The following KANSL1L variants were observed in gnomAD, a reference collection of about 807,000 sequenced individuals.
The protein encoded by KANSL1L is KAT8 regulatory NSL complex subunit 1-like protein.
A neutral mutation model predicts 108.6 loss-of-function variants in KANSL1L; 25 were observed. That is an observed-to-expected ratio of 0.23 (90% confidence interval 0.17 to 0.32). The LOEUF (loss-of-function observed/expected upper bound fraction) is 0.32, where lower values mean the gene tolerates loss of function less well. Among genes scored for constraint, KANSL1L ranks in the 10% least tolerant of loss-of-function variants. The probability of loss-of-function intolerance (pLI) is 1.00; values close to 1 mark genes in which losing one functional copy is unlikely to be tolerated. For synonymous variants in KANSL1L, 405 were observed against 395.1 expected (o/e 1.03, Z -0.30); for missense variants, 1,137 against 1,125.7 (o/e 1.01, Z -0.14).
chr2:210,088,348 C>T (rs928264894), intron 5 of KANSL1L: 1 of 152,192 alleles, frequency 6.6e-6, no homozygotes, highest in Non-Finnish European at 1.5e-5. Context: ...AGGCCGAAAT[C>T]CTGTCAATTG....
At chr2:210,119,602 AATTG>A (rs2094994565) in intron 3 of KANSL1L, among the ~76,000 whole-genome samples, 1 of 152,198 alleles carries the variant, frequency 6.6e-6, no homozygotes, top group Non-Finnish European at 1.5e-5. Context: ...TGGTCATTTC[AATTG>A]ATGCTGAAAC....
At chr2:210,086,353 T>C (rs1559544960) in intron 5 of KANSL1L, among the ~76,000 whole-genome samples, 2 of 152,096 alleles carry the variant, frequency 1.3e-5, no homozygotes, top group Admixed American at 6.6e-5. Context: ...ATCTTCATTT[T>C]AGAGTATGAG....
intron 2 of KANSL1L, among the ~76,000 whole-genome samples, chr2:210,140,324 T>C (rs2095216512): frequency 6.6e-6 from 1 of 152,212 alleles, no homozygotes; most frequent in African/African-American, 2.4e-5. Context: ...TCACCTTAAG[T>C]TGATGTGGGA....
intron 8 of KANSL1L, among the ~76,000 whole-genome samples, chr2:210,039,308 A>C (rs1462250398): frequency 6.6e-6 from 1 of 151,926 alleles, no homozygotes; most frequent in East Asian, 1.9e-4. Context: ...GAATGTCCTC[A>C]TGTTTCTCAC....
At chr2:210,138,699 G>A (rs2095198488) in intron 2 of KANSL1L, among the ~76,000 whole-genome samples, 1 of 152,126 alleles carries the variant, frequency 6.6e-6, no homozygotes, top group African/African-American at 2.4e-5. Flanking sequence ...CATTGTATAA[G>A]ATTAAACCAT....
In KANSL1L at chr2:210,113,650, G is replaced by A. The variant is rs537196871; in HGVS notation, c.1231-9349C>T. Among the ~76,000 whole-genome samples, 150 of 152,158 alleles carry A rather than the reference G, an allele frequency of 9.9e-4. 1 individual carries two copies. The highest frequency in any genetic ancestry group is 3.0e-3 in the African/African-American group (124 of 41,536). ...AAGACTTTAAAACAACTGTCTTAAA[G>A]ATGCACAAAAGGCTAAAAAAATGAT... is the stretch of plus-strand genomic sequence containing the variant. On this transcript the variant is annotated intron_variant, in intron 3 of 14. Transcript: ENST00000281772.
At chr2:210,165,187 C>A (rs263693) in intron 1 of KANSL1L, among the ~76,000 whole-genome samples, 138,451 of 150,292 alleles carry the variant, frequency 0.92, 64,180 homozygotes, top group East Asian at 1. Context: ...AAAAAAAAAA[C>A]CAAAAAACAA....
At chr2:210,164,585 A>G (rs2125682505) in intron 1 of KANSL1L, among the ~76,000 whole-genome samples, 1 of 152,248 alleles carries the variant, frequency 6.6e-6, no homozygotes, top group Non-Finnish European at 1.5e-5. Context: ...TCCCTTTTCT[A>G]AAAGAATTTA....
In KANSL1L at chr2:210,056,965, T is replaced by G. The variant is rs2094358150; in HGVS notation, c.1756-12861A>C. ...AATGGTCACAAATTTCTTCAATCCCTGTGTGTATGCCCCTTTGCTGAAATT... is the reference window on the plus strand; with the variant it reads ...AATGGTCACAAATTTCTTCAATCCCGGTGTGTATGCCCCTTTGCTGAAATT... On this transcript the variant is annotated intron_variant, in intron 6 of 14. Coordinates refer to ENST00000281772, the MANE Select transcript of KANSL1L (RefSeq NM_152519.4). 1.3e-5 allele frequency among the ~76,000 whole-genome samples: 2 copies of G among 152,196 alleles called. 1 individual carries two copies. Among genetic ancestry groups the G allele is most frequent in the Admixed American group, 1.3e-4 (2 of 15,278 alleles).
chr2:210,031,693 A>G (rs1219076795), intron 8 of KANSL1L, 147 bp from the exon 9 acceptor site: 6 of 493,990 alleles, frequency 1.2e-5, no homozygotes, highest in African/African-American at 8.0e-5. Context: ...CACAACTCCA[A>G]CTAAAAACAT....
chr2:210,164,904 CA>C (rs1188017735), intron 1 of KANSL1L, among the ~76,000 whole-genome samples: 1 of 149,330 alleles, frequency 6.7e-6, no homozygotes, highest in Non-Finnish European at 1.5e-5. Flanking sequence ...CTCGCCCCGC[CA>C]CCTAGGCTGG....
At position 210,023,936 on chromosome 2, in the gene KANSL1L, T is replaced by C. The variant is rs2093897691; in HGVS notation, c.2733+97A>G. 5 of 745,530 alleles carry C rather than the reference T, an allele frequency of 6.7e-6. No individual in the cohort carries two copies. In the Admixed American group the frequency reaches 1.0e-4, roughly 15 times the overall value. 46.2% of individuals were successfully genotyped at this position (745,530 alleles called of 1,614,324 possible). On this transcript the variant is annotated intron_variant, in intron 14 of 14. Transcript: ENST00000281772. ...TACCTAACTTATTGAATTTGTTATGTAATGATGTAATAAACTTAATTTTTT... is the reference window on the plus strand; with the variant it reads ...TACCTAACTTATTGAATTTGTTATGCAATGATGTAATAAACTTAATTTTTT...
chr2:210,143,229 T>A (rs959221609), intron 2 of KANSL1L, among the ~76,000 whole-genome samples: 1 of 152,134 alleles, frequency 6.6e-6, no homozygotes, highest in Admixed American at 6.5e-5. Context: ...TGGCCTAAAG[T>A]GCATTTTTTT....
chr2:210,151,194 T>C (rs1225992473), intron 2 of KANSL1L, among the ~76,000 whole-genome samples: 1 of 152,112 alleles, frequency 6.6e-6, no homozygotes, highest in South Asian at 2.1e-4. Context: ...TTTTGTATTA[T>C]ATTTTTTGTA....
In KANSL1L at chr2:210,129,120, G is replaced by A; in HGVS notation, c.1141C>T (p.Arg381Ter). 1 of 1,613,826 alleles carries A rather than the reference G, an allele frequency of 6.2e-7. No individual in the cohort carries two copies. The highest frequency in any genetic ancestry group is 8.5e-7 in the Non-Finnish European group (1 of 1,179,810). ...WLVDRARVGSRWTWLQAQISD... is the reference protein window; with the variant it reads ...WLVDRARVGS ...ATCTGAGCTTGAAGCCAAGTCCATC[G>A]GCTGCCAACTCGTGCTCTGTCTACA... is the stretch of plus-strand genomic sequence containing the variant. Residue 381 changes from arginine to a stop codon, truncating the protein, a stop_gained, in exon 3 of 15, where the codon CGA becomes TGA. Coordinates refer to ENST00000281772, the MANE Select transcript of KANSL1L (RefSeq NM_152519.4). LOFTEE classifies it high-confidence loss of function.
At chr2:210,035,940 T>A (rs1048185397) in intron 8 of KANSL1L, among the ~76,000 whole-genome samples, 2 of 152,218 alleles carry the variant, frequency 1.3e-5, no homozygotes, top group East Asian at 3.8e-4. Flanking sequence ...CATTCCAGAC[T>A]TACTAAATCA....
intron 6 of KANSL1L, among the ~76,000 whole-genome samples, chr2:210,074,355 C>T (rs1256553903): frequency 6.6e-6 from 1 of 152,134 alleles, no homozygotes; most frequent in African/African-American, 2.4e-5. Flanking sequence ...ACTGTCTTTA[C>T]TGACTTCTGG....
In KANSL1L at chr2:210,097,772, C is replaced by T. The variant is rs565410250; in HGVS notation, c.1550+314G>A. On this transcript the variant is annotated intron_variant, in intron 5 of 14. Coordinates refer to ENST00000281772, the MANE Select transcript of KANSL1L (RefSeq NM_152519.4). ...AACGACAGCATGGAGCTCAAGAATA[C>T]AAAAGGTACAAAGTGGAAGGTATAT... 13 of 161,386 alleles carry T rather than the reference C, an allele frequency of 8.1e-5. No homozygotes were observed. In the South Asian group the frequency reaches 2.3e-3, roughly 29 times the overall value. 10.0% of individuals were successfully genotyped at this position (161,386 alleles called of 1,614,324 possible). A position where few individuals can be genotyped will look rare whatever the true frequency, so the allele number is the denominator to read the frequency against.
In KANSL1L at chr2:210,083,754, G is replaced by A. The variant is rs748072270; in HGVS notation, c.1551-7998C>T. On this transcript the variant is annotated intron_variant, in intron 5 of 14. Transcript: ENST00000281772. ...TGAGGCAGGAAAATGGCATGAACCC[G>A]GGAGGCAGAGCTTGCAGTGAGCCGA... 6.4e-4 allele frequency among the ~76,000 whole-genome samples: 97 copies of A among 150,520 alleles called. 1 individual carries two copies. Among genetic ancestry groups the A allele is most frequent in the Non-Finnish European group, 1.1e-3 (77 of 67,644 alleles).
Sources: allele counts gnomAD v4.1 joint callset (sites outside exome capture counted in the v4.1 genomes callset), GRCh38; gene constraint gnomAD v4.1.1; transcripts MANE v1.5; gene names NCBI Gene and HGNC (gene_info 2026-07-23, HGNC 2026-07-21).